Variants in SPOCK3 observed in about 807,000 individuals in gnomAD.
The protein encoded by SPOCK3 is SPARC (osteonectin), cwcv and kazal like domains proteoglycan 3.
In SPOCK3, 30 loss-of-function variants were observed where a neutral mutation model predicts 56.6. The observed-to-expected ratio is 0.53, with a 90% CI of 0.40 to 0.72. The LOEUF (loss-of-function observed/expected upper bound fraction) is 0.72. SPOCK3 is among the 30% of genes least tolerant of loss of function. SPOCK3 has a pLI of 0.00. For synonymous variants in SPOCK3, 196 were observed against 183.3 expected (o/e 1.07, Z -0.56); for missense variants, 527 against 530.0 (o/e 0.99, Z 0.06).
At chr4:166,991,938 T>G (rs1747830521) in intron 4 of SPOCK3, among the ~76,000 whole-genome samples, 1 of 152,140 alleles carries the variant, frequency 6.6e-6, no homozygotes, top group Admixed American at 6.5e-5. Flanking sequence ...TGAAGCGTGT[T>G]GTACAAAGCA....
intron 4 of SPOCK3, among the ~76,000 whole-genome samples, chr4:166,923,486 A>G (rs1281216851): frequency 6.6e-6 from 1 of 152,242 alleles, no homozygotes; most frequent in African/African-American, 2.4e-5. Context: ...AAAAAGCTTC[A>G]GGAATGGAGT....
chr4:166,979,909 CA>C (rs1265436649), intron 4 of SPOCK3, among the ~76,000 whole-genome samples: 10 of 152,166 alleles, frequency 6.6e-5, no homozygotes, highest in African/African-American at 2.2e-4. Flanking sequence ...TTAACATGTT[CA>C]AAATGCAGCT....
At chr4:166,872,028 GCACA>G (rs1278184404) in intron 6 of SPOCK3, among the ~76,000 whole-genome samples, 4 of 123,792 alleles carry the variant, frequency 3.2e-5, no homozygotes, top group African/African-American at 1.1e-4. Flanking sequence ...CTAATAAAGG[GCACA>G]CACACACACA....
chr4:167,233,250 GCTCCCT>G (rs1561352647), intron 2 of SPOCK3, among the ~76,000 whole-genome samples: 2 of 152,104 alleles, frequency 1.3e-5, no homozygotes. Context: ...TGGAAACCTG[GCTCCCT>G]CTTAATAACC....
In SPOCK3 at chr4:166,734,989, T is replaced by C. The variant is rs780189410; in HGVS notation, c.1234A>G (p.Ile412Val). The C allele has an allele frequency of 1.3e-6, 2 of 1,539,318 alleles. No individual in the cohort carries two copies. Among genetic ancestry groups the C allele is most frequent in the South Asian group, 2.2e-5 (2 of 89,214 alleles). Reference sequence around the variant, plus strand: ...CCTTCATCTTCATCATCATCTTCAATTTCATCTTCATCATTCATAATATCG... The same window carrying C: ...CCTTCATCTTCATCATCATCTTCAACTTCATCTTCATCATTCATAATATCG... ...EDDIMNDEDE[I>V]EDDDEDEGDD... Residue 412 changes from isoleucine (I) to valine (V), a missense_variant, in exon 11 of 11, where the codon ATT (isoleucine) becomes GTT (valine). Physicochemically the swap from Ile to Val is conservative, Grantham distance 29. Transcript: ENST00000357545.
chr4:167,047,472 T>C (rs949135644), intron 3 of SPOCK3, among the ~76,000 whole-genome samples: 3 of 152,156 alleles, frequency 2.0e-5, no homozygotes, highest in East Asian at 1.9e-4. Context: ...TTTTAAATCA[T>C]TGTATGAATT....
At chr4:166,831,338 G>A (rs1204519467) in intron 6 of SPOCK3, among the ~76,000 whole-genome samples, 2 of 152,028 alleles carry the variant, frequency 1.3e-5, no homozygotes, top group African/African-American at 2.4e-5. Flanking sequence ...GCAAATTTGG[G>A]GTAGAAACTG....
intron 3 of SPOCK3, among the ~76,000 whole-genome samples, chr4:167,041,309 T>C (rs1753211591): frequency 1.3e-5 from 2 of 152,162 alleles, no homozygotes; most frequent in Admixed American, 1.3e-4. Context: ...GTAGTATGTG[T>C]TCAACAAATG....
chr4:166,971,847 G>A (rs1745417234), intron 4 of SPOCK3, among the ~76,000 whole-genome samples: 1 of 152,050 alleles, frequency 6.6e-6, no homozygotes, highest in Non-Finnish European at 1.5e-5. Context: ...CTCTCTGTCA[G>A]ATTACTACTA....
intron 2 of SPOCK3, among the ~76,000 whole-genome samples, chr4:167,146,774 C>T (rs2093448306): frequency 6.6e-6 from 1 of 152,020 alleles, no homozygotes; most frequent in African/African-American, 2.4e-5. Context: ...AGAACAAAGA[C>T]ACAACGTACC....
At chr4:166,735,241 G>T in intron 10 of SPOCK3, 151 bp from the exon 11 acceptor site, 1 of 583,422 alleles carries the variant, frequency 1.7e-6, no homozygotes, top group South Asian at 2.6e-5. Flanking sequence ...TCCATTTTCT[G>T]GAAAATTATC....
intron 3 of SPOCK3, among the ~76,000 whole-genome samples, chr4:167,057,737 C>G (rs576113008): frequency 2.0e-5 from 3 of 152,290 alleles, no homozygotes; most frequent in East Asian, 1.9e-4. Flanking sequence ...GAAGAGCTAA[C>G]TATCCTAAAT....
intron 3 of SPOCK3, among the ~76,000 whole-genome samples, chr4:167,052,836 G>A (rs1754365803): frequency 6.6e-6 from 1 of 152,170 alleles, no homozygotes; most frequent in Admixed American, 6.5e-5. Flanking sequence ...TATTGATATT[G>A]TCTAATCTAC....
chr4:166,767,993 C>T (rs1738355106), intron 7 of SPOCK3, among the ~76,000 whole-genome samples: 1 of 147,258 alleles, frequency 6.8e-6, no homozygotes, highest in African/African-American at 2.6e-5. Flanking sequence ...TCTGTTTTAT[C>T]AGAGACTAGG....
chr4:167,198,183 G>T (rs943688355), intron 2 of SPOCK3, among the ~76,000 whole-genome samples: 4 of 152,070 alleles, frequency 2.6e-5, no homozygotes, highest in African/African-American at 9.7e-5. Context: ...TGTCAAAATG[G>T]AGCTACGATG....
At chr4:166,853,111 G>GA (rs1730305393) in intron 6 of SPOCK3, among the ~76,000 whole-genome samples, 1 of 151,850 alleles carries the variant, frequency 6.6e-6, no homozygotes, top group African/African-American at 2.4e-5. Flanking sequence ...ATTCTCAAAG[G>GA]AAAAAATCTA....
At chr4:166,750,994 C>T (rs1021469628) in intron 8 of SPOCK3, among the ~76,000 whole-genome samples, 5 of 151,742 alleles carry the variant, frequency 3.3e-5, no homozygotes, top group Non-Finnish European at 7.4e-5. Context: ...GTACCATCTA[C>T]CTGAATTGCA....
chr4:167,215,592 T>C (rs1398280563), intron 2 of SPOCK3, among the ~76,000 whole-genome samples: 22 of 152,174 alleles, frequency 1.4e-4, no homozygotes, highest in Non-Finnish European at 2.5e-4. Flanking sequence ...GGCGTGAAGA[T>C]AGGTGATACC....
At chr4:166,937,030 T>G (rs1046865942) in intron 4 of SPOCK3, among the ~76,000 whole-genome samples, 1 of 152,136 alleles carries the variant, frequency 6.6e-6, no homozygotes, top group African/African-American at 2.4e-5. Context: ...TTTATTTATT[T>G]TTTAATTGAT....
Sources: gnomAD v4.1 joint callset for allele counts (sites outside exome capture counted in the v4.1 genomes callset) on GRCh38, gnomAD v4.1.1 for gene constraint, MANE v1.5 for transcripts, NCBI Gene and HGNC (gene_info 2026-07-23, HGNC 2026-07-21) for gene names.